B3GALT1: variants seen among roughly 807,000 people sequenced by gnomAD.
The protein encoded by B3GALT1 is beta-1,3-galactosyltransferase 1, also known as UDP-Gal:betaGlcNAc beta 1,3-galactosyltransferase, polypeptide 1.
Under a neutral mutation model 23.2 loss-of-function variants are expected in B3GALT1, and 10 were observed. The observed-to-expected ratio is 0.43, with a 90% CI of 0.27 to 0.73. The LOEUF (loss-of-function observed/expected upper bound fraction) is 0.73. Among genes scored for constraint, B3GALT1 ranks in the 30% least tolerant of loss-of-function variants. The pLI is 0.21. For missense variants in B3GALT1, 299 were observed against 405.4 expected (o/e 0.74, Z 2.25); for synonymous variants, 156 against 141.5 (o/e 1.10, Z -0.73).
chr2:167,747,669 G>A (rs1048221557), intron 3 of B3GALT1, among the ~76,000 whole-genome samples: 15 of 152,162 alleles, frequency 9.9e-5, no homozygotes, highest in African/African-American at 3.1e-4. Context: ...CATGAATACC[G>A]TGTGAGTCTA....
At chr2:167,536,375 G>T (rs1053309693) in intron 2 of B3GALT1, among the ~76,000 whole-genome samples, 17 of 152,146 alleles carry the variant, frequency 1.1e-4, no homozygotes, top group African/African-American at 3.6e-4. Context: ...AATAATTAAA[G>T]AATTATTAAC....
Position 167,873,697 on chromosome 2 carries a change from A to T in B3GALT1, c.*3677A>T, listed in dbSNP as rs529200740. 7.2e-5 allele frequency: 11 copies of T among 152,352 alleles called. No individual in the cohort carries two copies. The South Asian group carries it at 1.9e-3, about 26-fold the overall frequency. 9.4% of individuals were successfully genotyped at this position (152,352 alleles called of 1,614,324 possible). On this transcript the variant is annotated 3_prime_UTR_variant, in exon 5 of 5. Transcript: ENST00000392690. ...AATTGACATTTAGGTATAACGTCATATATGAATGATTGTATTTATGTATTT... is the reference window on the plus strand; with the variant it reads ...AATTGACATTTAGGTATAACGTCATTTATGAATGATTGTATTTATGTATTT...
chr2:167,495,458 C>T (rs1386084683), intron 2 of B3GALT1, among the ~76,000 whole-genome samples: 1 of 151,540 alleles, frequency 6.6e-6, no homozygotes, highest in East Asian at 1.9e-4. Context: ...CTCAGCCTCC[C>T]GAGTAGCTGG....
At chr2:167,536,015 C>T (rs1683413173) in intron 2 of B3GALT1, among the ~76,000 whole-genome samples, 1 of 152,074 alleles carries the variant, frequency 6.6e-6, no homozygotes, top group Non-Finnish European at 1.5e-5. Flanking sequence ...CCTCCGCCTC[C>T]CAGGTTCAAG....
chr2:167,311,728 A>G (rs1267317509), intron 1 of B3GALT1, among the ~76,000 whole-genome samples: 1 of 152,072 alleles, frequency 6.6e-6, no homozygotes, highest in Admixed American at 6.6e-5. Context: ...TCACTGAATG[A>G]GTTTAATGGT....
chr2:167,327,150 T>C (rs1696909075), intron 1 of B3GALT1, among the ~76,000 whole-genome samples: 1 of 152,162 alleles, frequency 6.6e-6, no homozygotes. Context: ...TGCTGTTTTG[T>C]TTACTATACC....
chr2:167,832,325 T>G (rs1213283337), intron 4 of B3GALT1, among the ~76,000 whole-genome samples: 2 of 152,212 alleles, frequency 1.3e-5, no homozygotes, highest in Admixed American at 1.3e-4. Flanking sequence ...ACCAACGTAC[T>G]ATACATTATT....
intron 2 of B3GALT1, among the ~76,000 whole-genome samples, chr2:167,528,714 T>A (rs1683266138): frequency 6.6e-6 from 1 of 152,218 alleles, no homozygotes; most frequent in Non-Finnish European, 1.5e-5. Flanking sequence ...TTAATGCAGG[T>A]CTGTGGAGTA....
intron 2 of B3GALT1, among the ~76,000 whole-genome samples, chr2:167,526,548 A>G (rs761935080): frequency 2.0e-5 from 3 of 152,112 alleles, no homozygotes; most frequent in East Asian, 1.9e-4. Context: ...AATTAGGCCT[A>G]TTTCTTCAAG....
chr2:167,658,595 A>C (rs1685997713), intron 3 of B3GALT1, among the ~76,000 whole-genome samples: 1 of 152,076 alleles, frequency 6.6e-6, no homozygotes, highest in African/African-American at 2.4e-5. Flanking sequence ...AAATTGGCAA[A>C]TGATAGAAAT....
chr2:167,590,321 G>T (rs1001438073), intron 2 of B3GALT1, among the ~76,000 whole-genome samples: 2 of 143,432 alleles, frequency 1.4e-5, no homozygotes, highest in African/African-American at 2.6e-5. Context: ...ACTCCAGCCT[G>T]GGCGACAGAG....
At chr2:167,664,401 C>G (rs1328855791) in intron 3 of B3GALT1, among the ~76,000 whole-genome samples, 5 of 151,604 alleles carry the variant, frequency 3.3e-5, no homozygotes, top group Admixed American at 6.6e-5. Flanking sequence ...AGCATGATGC[C>G]TCCAGCTTTG....
chr2:167,839,917 A>G (rs1689598206), intron 4 of B3GALT1, among the ~76,000 whole-genome samples: 1 of 152,096 alleles, frequency 6.6e-6, no homozygotes. Flanking sequence ...TGAGAAAAAC[A>G]AGCAATGGGG....
At chr2:167,332,481 A>G (rs994936156) in intron 1 of B3GALT1, among the ~76,000 whole-genome samples, 2 of 152,056 alleles carry the variant, frequency 1.3e-5, no homozygotes, top group African/African-American at 4.8e-5. Context: ...ACACAAACAT[A>G]TATTTTATTG....
At chr2:167,555,151 A>G (rs1302480804) in intron 2 of B3GALT1, among the ~76,000 whole-genome samples, 2 of 152,182 alleles carry the variant, frequency 1.3e-5, no homozygotes, top group Admixed American at 6.5e-5. Context: ...CACAGTTTCT[A>G]TCCAATCTAT....
intron 1 of B3GALT1, among the ~76,000 whole-genome samples, chr2:167,300,885 C>A (rs1293033019): frequency 6.6e-6 from 1 of 152,044 alleles, no homozygotes; most frequent in Non-Finnish European, 1.5e-5. Context: ...TTAAAAATAC[C>A]ACAATTACAA....
At chr2:167,386,246 A>C (rs1298039061) in intron 1 of B3GALT1, among the ~76,000 whole-genome samples, 2 of 152,082 alleles carry the variant, frequency 1.3e-5, no homozygotes, top group Non-Finnish European at 2.9e-5. Context: ...GTACCTGAGC[A>C]GGCCTTTTTT....
intron 3 of B3GALT1, among the ~76,000 whole-genome samples, chr2:167,776,855 G>A (rs1688170324): frequency 6.6e-6 from 1 of 152,044 alleles, no homozygotes; most frequent in African/African-American, 2.4e-5. Flanking sequence ...TGAGTTTGGT[G>A]TTATCTAGCT....
At chr2:167,536,663 A>G (rs1192616462) in intron 2 of B3GALT1, among the ~76,000 whole-genome samples, 1 of 152,164 alleles carries the variant, frequency 6.6e-6, no homozygotes, top group East Asian at 1.9e-4. Context: ...GAAAATGTGA[A>G]AGAAAAGCAG....
Sources: gnomAD v4.1 joint callset for allele counts (sites outside exome capture counted in the v4.1 genomes callset) on GRCh38, gnomAD v4.1.1 for gene constraint, MANE v1.5 for transcripts, NCBI Gene and HGNC (gene_info 2026-07-23, HGNC 2026-07-21) for gene names.